The following BTG4 variants were observed in gnomAD, a reference collection of about 807,000 sequenced individuals.
BTG4 encodes protein BTG4.
A neutral mutation model predicts 19.3 loss-of-function variants in BTG4; 10 were observed. That is an observed-to-expected ratio of 0.52 (90% CI 0.32 to 0.88). BTG4 has a LOEUF of 0.88. BTG4 is among the 40% of genes least tolerant of loss of function. The pLI, the probability that BTG4 is intolerant of heterozygous loss-of-function variation, is 0.04. For missense variants in BTG4, 238 were observed against 281.9 expected (o/e 0.84, Z 1.11); for synonymous variants, 91 against 95.7 (o/e 0.95, Z 0.29).
At chr11:111,442,681 C>A in the BTG4 span, among the ~76,000 whole-genome samples, 1 of 144,448 alleles carries the variant, frequency 6.9e-6, no homozygotes, top group South Asian at 2.4e-4. Flanking sequence ...CTCACAACAA[C>A]CAGCACTGGA....
At chr11:111,420,097 A>G in the BTG4 span, among the ~76,000 whole-genome samples, 1 of 152,226 alleles carries the variant, frequency 6.6e-6, no homozygotes. Context: ...GGGTCCAGCC[A>G]TTAAGCTGTA....
chr11:111,483,751 A>C (rs1864884058), intron 5 of BTG4, among the ~76,000 whole-genome samples: 1 of 152,118 alleles, frequency 6.6e-6, no homozygotes, highest in South Asian at 2.1e-4. Context: ...CAGCAAATCT[A>C]AGAGTTATTA....
chr11:111,422,166 AG>A, the BTG4 span, among the ~76,000 whole-genome samples: 1 of 152,192 alleles, frequency 6.6e-6, no homozygotes, highest in African/African-American at 2.4e-5. Context: ...GATGCAGGGG[AG>A]GGTCTTCTGG....
the BTG4 span, chr11:111,396,702 C>T: frequency 6.6e-6 from 1 of 152,276 alleles, no homozygotes; most frequent in East Asian, 1.9e-4. Flanking sequence ...GTATACTTCC[C>T]TGAAATCATT....
At chr11:111,422,094 A>G in the BTG4 span, among the ~76,000 whole-genome samples, 1 of 152,212 alleles carries the variant, frequency 6.6e-6, no homozygotes, top group Non-Finnish European at 1.5e-5. Flanking sequence ...CTAATCTATC[A>G]TTCCAATAGG....
downstream of BTG4, among the ~76,000 whole-genome samples, chr11:111,491,586 T>TA (rs1865418109): frequency 2.0e-5 from 3 of 151,558 alleles, no homozygotes; most frequent in Admixed American, 2.0e-4. Flanking sequence ...CGTTCTCTAC[T>TA]AAAAATCAAA....
At chr11:111,385,077 C>T in the BTG4 span, 1 of 150,364 alleles carries the variant, frequency 6.7e-6, no homozygotes, top group Non-Finnish European at 1.5e-5. Context: ...GTTCTTATTA[C>T]AAAAAAAAAT....
At chr11:111,468,707 C>A (rs991680436) in intron 5 of BTG4, among the ~76,000 whole-genome samples, 2 of 152,198 alleles carry the variant, frequency 1.3e-5, no homozygotes, top group African/African-American at 4.8e-5. Flanking sequence ...ATGAAGAAAG[C>A]CTTGAGAGCC....
chr11:111,458,807 A>G, the BTG4 span, among the ~76,000 whole-genome samples: 1 of 152,148 alleles, frequency 6.6e-6, no homozygotes, highest in Non-Finnish European at 1.5e-5. Flanking sequence ...ACAAATAACA[A>G]CAAAACAAAA....
the BTG4 span, among the ~76,000 whole-genome samples, chr11:111,419,278 TA>T: frequency 6.6e-6 from 1 of 152,238 alleles, no homozygotes; most frequent in Non-Finnish European, 1.5e-5. Flanking sequence ...GAGTCCCTGA[TA>T]AAAGCTACAG....
chr11:111,430,283 T>C, the BTG4 span, among the ~76,000 whole-genome samples: 73,098 of 151,874 alleles, frequency 0.48, 18,347 homozygotes, highest in African/African-American at 0.63. Context: ...TCCAGTAAGG[T>C]GGGACAACTC....
the BTG4 span, among the ~76,000 whole-genome samples, chr11:111,445,882 C>T: frequency 5.3e-5 from 8 of 152,320 alleles, no homozygotes; most frequent in African/African-American, 1.9e-4. Context: ...AGCTCTACTA[C>T]TCTCGCCAGT....
At chr11:111,491,428 A>G (rs760624072), downstream of BTG4, among the ~76,000 whole-genome samples, 1 of 152,190 alleles carries the variant, frequency 6.6e-6, no homozygotes, top group African/African-American at 2.4e-5. Flanking sequence ...ATGTGAATTT[A>G]TAATTACCTC....
At chr11:111,388,713 C>T in the BTG4 span, among the ~76,000 whole-genome samples, 1 of 150,272 alleles carries the variant, frequency 6.7e-6, no homozygotes, top group Admixed American at 6.6e-5. Flanking sequence ...AGCTCTCAGC[C>T]TCACTTCTTC....
chr11:111,392,882 T>C, the BTG4 span, among the ~76,000 whole-genome samples: 2 of 152,166 alleles, frequency 1.3e-5, no homozygotes, highest in African/African-American at 2.4e-5. Flanking sequence ...GGTTAGATTA[T>C]TGGATGTGTG....
At chr11:111,396,946 A>C in the BTG4 span, 2 of 152,222 alleles carry the variant, frequency 1.3e-5, no homozygotes, top group African/African-American at 4.8e-5. Context: ...GTATAGGTTG[A>C]TTTATTCATT....
At chr11:111,390,027 G>C in the BTG4 span, among the ~76,000 whole-genome samples, 1 of 152,208 alleles carries the variant, frequency 6.6e-6, no homozygotes, top group Non-Finnish European at 1.5e-5. Flanking sequence ...TGAAGTATTA[G>C]CCTCATTTTA....
the BTG4 span, among the ~76,000 whole-genome samples, chr11:111,395,205 G>A: frequency 6.6e-6 from 1 of 152,392 alleles, no homozygotes; most frequent in Admixed American, 6.5e-5. Context: ...GGGCTCTGCT[G>A]CAGGTGCGGT....
chr11:111,481,676 T>A (rs536007717), intron 5 of BTG4, among the ~76,000 whole-genome samples: 17 of 151,954 alleles, frequency 1.1e-4, no homozygotes, highest in African/African-American at 4.1e-4. Flanking sequence ...GTATATTTTT[T>A]AAAAAAATCA....
Sources: gnomAD v4.1 joint callset for allele counts (sites outside exome capture counted in the v4.1 genomes callset) on GRCh38, gnomAD v4.1.1 for gene constraint, MANE v1.5 for transcripts, NCBI Gene and HGNC (gene_info 2026-07-23, HGNC 2026-07-21) for gene names.